The following HDAC6 variants were observed in gnomAD, a reference collection of about 807,000 sequenced individuals.
HDAC6 encodes protein deacetylase HDAC6.
In HDAC6, 5 loss-of-function variants were observed where a neutral mutation model predicts 88.9. The ratio of observed to expected loss-of-function variants is 0.06; its 90% CI spans 0.03 to 0.12. The LOEUF (loss-of-function observed/expected upper bound fraction) is 0.12. Among genes scored for constraint, HDAC6 ranks in the 10% least tolerant of loss-of-function variants. HDAC6 has a pLI of 1.00. For missense variants in HDAC6, 706 were observed against 1,014.4 expected (o/e 0.70, Z 4.13); for synonymous variants, 378 against 398.0 (o/e 0.95, Z 0.60).
chrX:48,814,955 C>T lies in HDAC6; in HGVS notation c.1060-7C>T, dbSNP rs1557026988. 4 of 1,209,077 alleles carry T rather than the reference C, an allele frequency of 3.3e-6. No individual in the cohort carries two copies. The East Asian group carries it at 1.2e-4, about 36-fold the overall frequency. On this transcript the variant is annotated splice_polypyrimidine_tract_variant and splice_region_variant and intron_variant, in intron 13 of 28. Coordinates refer to ENST00000334136, the MANE Select transcript of HDAC6 (RefSeq NM_006044.4). Reference sequence around the variant, plus strand: ...TGGAGCCAGGCTGACCCTCCATGTCCCCCCAGGGTGAGATGGCCGCCACTC... The same window carrying T: ...TGGAGCCAGGCTGACCCTCCATGTCTCCCCAGGGTGAGATGGCCGCCACTC...
intron 10 of HDAC6, among the ~76,000 whole-genome samples, chrX:48,810,190 C>G (rs1219660208): frequency 1.8e-5 from 2 of 110,093 alleles, no homozygotes; most frequent in African/African-American, 6.6e-5. Context: ...ATCCTCCTGC[C>G]TCAGCCTCCC....
chrX:48,805,453 T>C lies in HDAC6; in HGVS notation c.327T>C (p.Pro109=). The change falls in exon 5 of 29, where the codon CCT becomes CCC. Residue 109 remains proline (P), a synonymous_variant. Coordinates refer to ENST00000334136, the MANE Select transcript of HDAC6 (RefSeq NM_006044.4). ...CLWDDSFPEG[P]ERLHAIKEQL... ...ATCTCCCCAGCTTCCCGGAAGGCCC[T>C]GAGCGGCTCCATGCCATCAAGGAGC... The C allele has an allele frequency of 8.3e-7, 1 of 1,209,826 alleles. No homozygotes were observed. Among genetic ancestry groups the C allele is most frequent in the Non-Finnish European group, 1.1e-6 (1 of 894,185 alleles).
At position 48,808,249 on chromosome X, in the gene HDAC6, T is replaced by C; in HGVS notation, c.738-9T>C. 8.3e-7 allele frequency: 1 copy of C among 1,203,758 alleles called. No individual in the cohort carries two copies. The highest frequency in any genetic ancestry group is 1.7e-5 in the African/African-American group (1 of 57,538). On this transcript the variant is annotated splice_polypyrimidine_tract_variant and intron_variant, in intron 9 of 28. Coordinates refer to ENST00000334136, the MANE Select transcript of HDAC6 (RefSeq NM_006044.4). ...CTTGCACAGAGTCCCCTCTCTCTGC[T>C]GCTCCTAGGGTCCTTATCGTAGATT...
rs1319672369 is a variant in HDAC6, at chrX:48,807,957, AG to A, written c.633-75del. On this transcript the variant is annotated intron_variant, in intron 8 of 28. Coordinates refer to ENST00000334136, the MANE Select transcript of HDAC6 (RefSeq NM_006044.4). The stretch of plus-strand genomic sequence containing the variant: ...AAAGGAATTGGTGGTCCAGGATTAG[AG>A]AGCAGGGGACAGTCTGTCTCTGCAG... 5.9e-6 allele frequency: 4 copies of A among 675,251 alleles called. No individual in the cohort carries two copies. The East Asian group carries it at 1.4e-4, about 24-fold the overall frequency. 55.6% of individuals were successfully genotyped at this position (675,251 alleles called of 1,213,427 possible).
rs1557024935 is a variant in HDAC6 at position 48,808,103 on chromosome X, G to A, written c.703G>A (p.Ala235Thr). ...YCMFNHVAVA[A>T]RYAQQKHRIR... ...CATGTTCAACCACGTGGCTGTGGCA[G>A]CCCGCTATGCTCAACAGAAACACCG... Residue 235 changes from alanine to threonine, a missense_variant, in exon 9 of 29, where the codon GCC (alanine) becomes ACC (threonine). Physicochemically the swap from Ala to Thr is moderately conservative, Grantham distance 58. Transcript: ENST00000334136. 8.3e-7 allele frequency: 1 copy of A among 1,206,131 alleles called. No individual in the cohort carries two copies.
rs201216577 is a variant in HDAC6 at position 48,816,101 on chromosome X, T to C, written c.1494-40T>C. On this transcript the variant is annotated intron_variant, in intron 17 of 28. Transcript: ENST00000334136. ...AGTAGGTGTTGGGGGTCCCTCCCCC[T>C]CAGGCACTAAGCCTCTACCTCTCGT... is the stretch of plus-strand genomic sequence containing the variant. The C allele has an allele frequency of 8.2e-4, 986 of 1,208,028 alleles. 5 individuals carry two copies. Among genetic ancestry groups the C allele is most frequent in the Non-Finnish European group, 8.0e-4 (715 of 893,545 alleles).
intron 25 of HDAC6, 22 bp from the exon 26 acceptor site, chrX:48,823,650 T>C: frequency 1.7e-6 from 2 of 1,193,218 alleles, no homozygotes; most frequent in Non-Finnish European, 2.3e-6. Flanking sequence ...CTCTGATACA[T>C]CTCTTACTTC....
At chrX:48,806,733 T>C in intron 8 of HDAC6, 27 bp downstream of exon 8, 1 of 977,297 alleles carries the variant, frequency 1.0e-6, no homozygotes, top group South Asian at 2.1e-5. Flanking sequence ...TTTGACTTTT[T>C]ACATTGTTTT....
intron 26 of HDAC6, 37 bp downstream of exon 26, chrX:48,823,822 C>G (rs782683092): frequency 8.4e-7 from 1 of 1,191,911 alleles, no homozygotes; most frequent in Non-Finnish European, 1.1e-6. Context: ...TGGCTTCCTT[C>G]TCTTGCCAAT....
chrX:48,824,091 G>A (rs1569505947), intron 27 of HDAC6, 23 bp downstream of exon 27: 1 of 1,206,097 alleles, frequency 8.3e-7, no homozygotes, highest in South Asian at 1.8e-5. Flanking sequence ...GGAAGGGGAT[G>A]GGGCGGAGGT....
At chrX:48,809,593 G>T (rs1001660791) in intron 10 of HDAC6, among the ~76,000 whole-genome samples, 33 of 110,328 alleles carry the variant, frequency 3.0e-4, no homozygotes, top group African/African-American at 1.1e-3. Flanking sequence ...CTGAGGTCAG[G>T]AGTTCAAGAT....
rs781865218 is a variant in HDAC6 at position 48,823,623 on chromosome X, G to C, written c.3189+35G>C. On this transcript the variant is annotated intron_variant, in intron 25 of 28. Transcript: ENST00000334136. ...ACCACACCCAGGTAGGGGCAAGAAGGGGCAAGAATCGGGCTTCTCTGATAC... is the reference window on the plus strand; with the variant it reads ...ACCACACCCAGGTAGGGGCAAGAAGCGGCAAGAATCGGGCTTCTCTGATAC... The C allele has an allele frequency of 9.2e-6, 11 of 1,195,804 alleles. No individual in the cohort carries two copies. The South Asian group carries it at 2.0e-4, about 21-fold the overall frequency.
Position 48,817,367 on chromosome X carries a change from C to T in HDAC6, c.1833C>T (p.His611=), listed in dbSNP as rs782255342. Reference sequence around the variant, plus strand: ...CTGTGGTGCGTCCCCCAGGACACCACGCAGAGCAGGATGCAGCTTGCGGTT... The same window carrying T: ...CTGTGGTGCGTCCCCCAGGACACCATGCAGAGCAGGATGCAGCTTGCGGTT... The part of the protein sequence containing the change: ...GAAVVRPPGH[H]AEQDAACGFC... The change falls in exon 20 of 29, where the codon CAC becomes CAT. Residue 611 remains histidine (H), a synonymous_variant. Coordinates refer to ENST00000334136, the MANE Select transcript of HDAC6 (RefSeq NM_006044.4). 749 of 1,209,020 alleles carry T rather than the reference C, an allele frequency of 6.2e-4. 10 individuals carry two copies. In the South Asian group the frequency reaches 0.012, roughly 19 times the overall value.
chrX:48,807,925 C>T (rs2062843336), intron 8 of HDAC6, 108 bp from the exon 9 acceptor site: 1 of 537,600 alleles, frequency 1.9e-6, no homozygotes, highest in Non-Finnish European at 3.1e-6. Flanking sequence ...TTTTAGGCAT[C>T]AGCATTAAAG....
At chrX:48,811,991 C>A (rs781800052) in intron 10 of HDAC6, among the ~76,000 whole-genome samples, 1 of 112,445 alleles carries the variant, frequency 8.9e-6, no homozygotes, top group Non-Finnish European at 1.9e-5. Flanking sequence ...CAGAATGCAT[C>A]TCTAAAACAT....
At chrX:48,813,069 A>G (rs1405027470) in intron 10 of HDAC6, among the ~76,000 whole-genome samples, 19 of 111,592 alleles carry the variant, frequency 1.7e-4, no homozygotes, top group Non-Finnish European at 7.5e-5. Flanking sequence ...CACCACGCCC[A>G]GCAAATTTTT....
At position 48,808,323 on chromosome X, in the gene HDAC6, C is replaced by T; in HGVS notation, c.803C>T (p.Pro268Leu). 1 of 1,194,558 alleles carries T rather than the reference C, an allele frequency of 8.4e-7. No homozygotes were observed. The highest frequency in any genetic ancestry group is 1.1e-6 in the Non-Finnish European group (1 of 882,833). ...ACACAGTTCACCTTCGACCAGGACC[C>T]CAGGTATACCCCGACTCCCACCTAG... is the stretch of plus-strand genomic sequence containing the variant. ...QGTQFTFDQD[P>L]SVLYFSIHRY... The change falls in exon 10 of 29, where the codon CCC (proline) becomes CTC (leucine). Residue 268 changes from proline to leucine, a missense_variant. Pro to Leu is a moderately conservative substitution (Grantham distance 98). Coordinates refer to ENST00000334136, the MANE Select transcript of HDAC6 (RefSeq NM_006044.4).
At chrX:48,819,303 G>A in intron 22 of HDAC6, 1 of 117,333 alleles carries the variant, frequency 8.5e-6, no homozygotes, top group Non-Finnish European at 1.8e-5. Context: ...GGTACTGTCT[G>A]TGTGGCAGTA....
Position 48,822,984 on chromosome X carries a change from G to A in HDAC6, c.2585G>A (p.Arg862Lys). ...AAGGCACCCCAACCAGCCAAACCTA[G>A]GTTAGCTGAGCGGATGACCACACGA... ...TKKAPQPAKP[R>K]LAERMTTREK... The change falls in exon 25 of 29, where the codon AGG becomes AAG. Residue 862 changes from arginine to lysine, a missense_variant. Coordinates refer to ENST00000334136, the MANE Select transcript of HDAC6 (RefSeq NM_006044.4). 8.3e-7 allele frequency: 1 copy of A among 1,210,625 alleles called. No individual in the cohort carries two copies. The highest frequency in any genetic ancestry group is 1.1e-6 in the Non-Finnish European group (1 of 894,872).
Sources: gnomAD v4.1 joint callset for allele counts (sites outside exome capture counted in the v4.1 genomes callset) on GRCh38, gnomAD v4.1.1 for gene constraint, MANE v1.5 for transcripts, NCBI Gene and HGNC (gene_info 2026-07-23, HGNC 2026-07-21) for gene names.